The following CHIC1 variants were observed in gnomAD, a reference collection of about 807,000 sequenced individuals.
CHIC1 encodes cysteine rich hydrophobic domain 1.
In CHIC1, 7 loss-of-function variants were observed where a neutral mutation model predicts 18.5. That is an observed-to-expected ratio of 0.38 (90% CI 0.22 to 0.71). CHIC1 has a LOEUF of 0.71. Among genes scored for constraint, CHIC1 ranks in the 30% least tolerant of loss-of-function variants. The pLI is 0.49. For missense variants in CHIC1, 159 were observed against 176.9 expected (o/e 0.90, Z 0.57); for synonymous variants, 77 against 73.5 (o/e 1.05, Z -0.25).
Position 73,686,271 on chromosome X carries a change from G to A in CHIC1, c.*5266G>A, listed in dbSNP as rs1193223421. On this transcript the variant is annotated 3_prime_UTR_variant, in exon 6 of 6. Coordinates refer to ENST00000373502, the MANE Select transcript of CHIC1 (RefSeq NM_001039840.4). ...ATTGCTTACCTAGTCTCTAAATAAT[G>A]AAATGTGTGTGTTTGTGTGTTTTGG... is the stretch of plus-strand genomic sequence containing the variant. 1 of 111,196 alleles carries A rather than the reference G, an allele frequency of 9.0e-6. No individual in the cohort carries two copies. Among genetic ancestry groups the A allele is most frequent in the Admixed American group, 9.6e-5 (1 of 10,382 alleles). 9.2% of individuals were successfully genotyped at this position (111,196 alleles called of 1,213,427 possible).
intron 3 of CHIC1, among the ~76,000 whole-genome samples, chrX:73,663,244 T>G (rs2057989149): frequency 9.0e-6 from 1 of 111,153 alleles, no homozygotes. Flanking sequence ...TTCCAAGGGC[T>G]TTTTGATTGT....
At chrX:73,655,065 A>G (rs1329916064) in intron 3 of CHIC1, among the ~76,000 whole-genome samples, 3 of 108,284 alleles carry the variant, frequency 2.8e-5, no homozygotes, top group African/African-American at 1.0e-4. Context: ...CTCACCTCCC[A>G]CCCTCTGACA....
At chrX:73,634,616 G>T (rs2057823187) in intron 3 of CHIC1, among the ~76,000 whole-genome samples, 1 of 111,331 alleles carries the variant, frequency 9.0e-6, no homozygotes, top group South Asian at 3.8e-4. Context: ...CCTTGTGGTG[G>T]AGTCTTTAAG....
chrX:73,652,496 G>T (rs2057921820), intron 3 of CHIC1, among the ~76,000 whole-genome samples: 1 of 111,904 alleles, frequency 8.9e-6, no homozygotes, highest in Non-Finnish European at 1.9e-5. Context: ...ACCTGACCAA[G>T]GTCTAATACC....
intron 3 of CHIC1, among the ~76,000 whole-genome samples, chrX:73,654,071 AT>A (rs1404163752): frequency 8.9e-6 from 1 of 112,171 alleles, no homozygotes; most frequent in Non-Finnish European, 1.9e-5. Context: ...TTCTAGTAAA[AT>A]TTTGGTCAAA....
intron 3 of CHIC1, among the ~76,000 whole-genome samples, chrX:73,678,653 A>T (rs757554541): frequency 1.8e-5 from 2 of 112,526 alleles, no homozygotes; most frequent in East Asian, 5.6e-4. Flanking sequence ...AGCTTTTTTA[A>T]CATTATGTAC....
intron 3 of CHIC1, among the ~76,000 whole-genome samples, chrX:73,660,953 A>G (rs924819049): frequency 8.9e-6 from 1 of 112,156 alleles, no homozygotes; most frequent in African/African-American, 3.2e-5. Context: ...AATCAAGGGT[A>G]AATAAGGCTT....
chrX:73,671,170 G>T (rs2058028331), intron 3 of CHIC1, among the ~76,000 whole-genome samples: 2 of 111,722 alleles, frequency 1.8e-5, no homozygotes, highest in South Asian at 3.8e-4. Flanking sequence ...TCTCCTGTTA[G>T]TTGATGTGAA....
chrX:73,596,482 C>G (rs941178321), intron 3 of CHIC1, among the ~76,000 whole-genome samples: 12 of 111,525 alleles, frequency 1.1e-4, no homozygotes, highest in African/African-American at 3.9e-4. Flanking sequence ...AATGATATCC[C>G]CATCAAGCTA....
At chrX:73,572,479 A>G (rs2057475749) in intron 1 of CHIC1, among the ~76,000 whole-genome samples, 1 of 111,198 alleles carries the variant, frequency 9.0e-6, no homozygotes, top group African/African-American at 3.3e-5. Flanking sequence ...GTATATACCC[A>G]GTAATGGAAT....
chrX:73,564,838 C>T (rs1185594875), intron 1 of CHIC1, among the ~76,000 whole-genome samples: 1 of 91,980 alleles, frequency 1.1e-5, no homozygotes, highest in Non-Finnish European at 2.1e-5. Flanking sequence ...ACTCTTTTGC[C>T]CAGGCTGGAG....
chrX:73,623,392 G>A (rs2057769124), intron 3 of CHIC1, among the ~76,000 whole-genome samples: 1 of 110,756 alleles, frequency 9.0e-6, no homozygotes, highest in Admixed American at 9.6e-5. Flanking sequence ...ATATATTTAG[G>A]ATAGTTAGCT....
intron 1 of CHIC1, among the ~76,000 whole-genome samples, chrX:73,574,174 A>G (rs1341093897): frequency 3.6e-5 from 4 of 110,743 alleles, no homozygotes; most frequent in African/African-American, 9.8e-5. Context: ...TTCTGTGCCT[A>G]TTAAGATGAT....
chrX:73,646,340 C>T (rs1339303007), intron 3 of CHIC1, among the ~76,000 whole-genome samples: 9 of 111,986 alleles, frequency 8.0e-5, no homozygotes, highest in Non-Finnish European at 1.7e-4. Flanking sequence ...TGTGAGGTCT[C>T]CAGCTTTGTT....
At position 73,685,292 on chromosome X, in the gene CHIC1, G is replaced by A. The variant is rs1157766318; in HGVS notation, c.*4287G>A. The stretch of plus-strand genomic sequence containing the variant: ...CTTGGTGATGCTAAGAGTAAATGTA[G>A]TTTTCCTAGGAACTGAGCACTGAGG... On this transcript the variant is annotated 3_prime_UTR_variant, in exon 6 of 6. Transcript: ENST00000373502. The A allele has an allele frequency of 1.8e-5, 2 of 111,393 alleles. No homozygotes were observed. The highest frequency in any genetic ancestry group is 3.8e-5 in the Non-Finnish European group (2 of 52,923). 9.2% of individuals were successfully genotyped at this position (111,393 alleles called of 1,213,427 possible).
intron 3 of CHIC1, among the ~76,000 whole-genome samples, chrX:73,598,488 C>G (rs1440622056): frequency 5.3e-5 from 4 of 75,724 alleles, no homozygotes; most frequent in East Asian, 5.4e-4. Flanking sequence ...CCCCTCCCCC[C>G]ACCCCACCAC....
chrX:73,632,139 ATATT>A (rs1387378906), intron 3 of CHIC1, among the ~76,000 whole-genome samples: 1 of 112,378 alleles, frequency 8.9e-6, no homozygotes, highest in African/African-American at 3.2e-5. Flanking sequence ...TTATAAATGT[ATATT>A]TATGTGCTCT....
chrX:73,599,088 A>G (rs61645781), intron 3 of CHIC1, among the ~76,000 whole-genome samples: 3,961 of 109,119 alleles, frequency 0.036, 80 homozygotes, highest in Middle Eastern at 0.056. Context: ...GCCAGTGATG[A>G]TGAGCATTTT....
In CHIC1 at chrX:73,614,383, A is replaced by C. The variant is rs755737841; in HGVS notation, c.507+29811A>C. On this transcript the variant is annotated intron_variant, in intron 3 of 5. Transcript: ENST00000373502. ...AATGGTATCTATTTGGAGATCTCTG[A>C]TCTTCCTGTATCAGGATGTCTAAAT... Among the ~76,000 whole-genome samples, 5 of 111,266 alleles carry C rather than the reference A, an allele frequency of 4.5e-5. No homozygotes were observed. In the South Asian group the frequency reaches 1.9e-3, roughly 42 times the overall value.
Sources: allele counts gnomAD v4.1 joint callset (sites outside exome capture counted in the v4.1 genomes callset), GRCh38; gene constraint gnomAD v4.1.1; transcripts MANE v1.5; gene names NCBI Gene and HGNC (gene_info 2026-07-23, HGNC 2026-07-21).